NLRP7: variants seen among roughly 807,000 people sequenced by gnomAD.
The protein encoded by NLRP7 is NLR family pyrin domain containing 7.
In NLRP7, 72 loss-of-function variants were observed where a neutral mutation model predicts 85.5. That is an observed-to-expected ratio of 0.84 (90% CI 0.70 to 1.02). The LOEUF is 1.02. Ranked by LOEUF, NLRP7 falls within the 50% of genes least tolerant of loss-of-function variation. NLRP7 has a pLI of 0.00. For missense variants in NLRP7, 1,243 were observed against 1,219.5 expected (o/e 1.02, Z -0.29); for synonymous variants, 550 against 505.2 (o/e 1.09, Z -1.19).
At chr19:54,926,446 A>C (rs993722808) in intron 9 of NLRP7, among the ~76,000 whole-genome samples, 2 of 152,126 alleles carry the variant, frequency 1.3e-5, no homozygotes, top group Non-Finnish European at 2.9e-5. Context: ...ACACACTCCC[A>C]AAAAAACTCT....
chr19:54,947,877 A>C (rs1292192647), upstream of NLRP7: 2 of 249,616 alleles, frequency 8.0e-6, no homozygotes, highest in Admixed American at 1.0e-4. Flanking sequence ...TTAAACAAAA[A>C]TAAATAAAAA....
rs148164395 is a variant in NLRP7 at position 54,927,649 on chromosome 19, G to T, written c.2810+2850C>A. On this transcript the variant is annotated intron_variant, in intron 9 of 9. Coordinates refer to ENST00000340844, the Ensembl canonical transcript of NLRP7. The stretch of plus-strand genomic sequence containing the variant: ...CAGTTCTTTGTCTTAGAACCCCAAA[G>T]AGCTTAATTATGCCACTCTTCCACA... The T allele has an allele frequency of 1.1e-4, 170 of 1,614,154 alleles. No individual in the cohort carries two copies. The African/African-American group carries it at 2.1e-3, about 20-fold the overall frequency.
At position 54,934,461 on chromosome 19, in the gene NLRP7, G is replaced by C; in HGVS notation, c.2471+28C>G. 4 of 1,612,886 alleles carry C rather than the reference G, an allele frequency of 2.5e-6. No homozygotes were observed. The highest frequency in any genetic ancestry group is 3.4e-6 in the Non-Finnish European group (4 of 1,178,906). ...CTTCTATAGCCCCAGAACTAAACCAGAGCTGCCCATGGGAAGAGGAGACTT... is the reference window on the plus strand; with the variant it reads ...CTTCTATAGCCCCAGAACTAAACCACAGCTGCCCATGGGAAGAGGAGACTT... On this transcript the variant is annotated intron_variant, in intron 7 of 9. Coordinates refer to ENST00000340844, the Ensembl canonical transcript of NLRP7. This position sits in a 1 kb window ranked among gnomAD's most constrained non-coding sequence, Gnocchi z 6.7.
chr19:54,941,099 C>T, intron 2 of NLRP7, 94 bp from the exon 3 acceptor site: 3 of 957,386 alleles, frequency 3.1e-6, no homozygotes, highest in Admixed American at 3.4e-5. Context: ...CATGGTGGCT[C>T]ATGCCTGTAA....
At chr19:54,932,805 A>G (rs1362686996) in intron 8 of NLRP7, among the ~76,000 whole-genome samples, 1 of 152,002 alleles carries the variant, frequency 6.6e-6, no homozygotes, top group East Asian at 1.9e-4. Flanking sequence ...ATAGGCACGC[A>G]CCACCAAGCC....
intron 1 of NLRP7, among the ~76,000 whole-genome samples, chr19:54,944,022 G>A (rs59357040): frequency 0.12 from 18,214 of 152,002 alleles, 1,152 homozygotes; most frequent in African/African-American, 0.13. Flanking sequence ...AATACACTGC[G>A]GAAGGCTGCA....
intron 2 of NLRP7, 45 bp from the exon 3 acceptor site, chr19:54,941,050 C>T (rs538142026): frequency 9.1e-6 from 12 of 1,323,964 alleles, no homozygotes; most frequent in South Asian, 4.7e-5. Context: ...ATTTACACTT[C>T]GTAAATCAGA....
exon 4 of NLRP7, chr19:54,939,439 G>C (rs1302576364): frequency 6.2e-7 from 1 of 1,613,922 alleles, no homozygotes; most frequent in Non-Finnish European, 8.5e-7. Context: ...AGCAGCCTTT[G>C]GAGACTCTGT....
In NLRP7 at chr19:54,953,262, C is replaced by G. The variant is rs900950859; in HGVS notation, c.-76-5757G>C. 8 of 152,222 alleles carry G rather than the reference C, an allele frequency of 5.3e-5. 2 individuals carry two copies. The highest frequency in any genetic ancestry group is 3.9e-4 in the Admixed American group (6 of 15,266). 9.4% of individuals were successfully genotyped at this position (152,222 alleles called of 1,614,324 possible). A position where few individuals can be genotyped will look rare whatever the true frequency, so the allele number is the denominator to read the frequency against. ...CGGCCAGGGGCATCGGCAAGACTCC[C>G]GTCTCAAGAGCCGAGATCCCCAAGT... On this transcript the variant is annotated intron_variant, in intron 1 of 2. Coordinates refer to the NLRP7 transcript ENST00000587103.
exon 4 of NLRP7, chr19:54,939,199 G>A (rs1214099946): frequency 1.2e-6 from 2 of 1,614,216 alleles, no homozygotes; most frequent in South Asian, 1.1e-5. Context: ...GTGACATCCG[G>A]CAGCCAAAAG....
chr19:54,952,464 G>A (rs1268964592), upstream of NLRP7, among the ~76,000 whole-genome samples: 1 of 151,872 alleles, frequency 6.6e-6, no homozygotes, highest in African/African-American at 2.4e-5. Flanking sequence ...CGTGGTAGCG[G>A]GTGCCTGTAA....
upstream of NLRP7, chr19:54,947,868 TAAAC>T (rs1214300280): frequency 3.4e-5 from 8 of 235,466 alleles, no homozygotes; most frequent in Non-Finnish European, 6.1e-5. Context: ...GAAAAAAAAT[TAAAC>T]AAAAATAAAT....
At chr19:54,940,904 C>G (rs1602180385) in intron 3 of NLRP7, 27 bp downstream of exon 3, 2 of 1,420,626 alleles carry the variant, frequency 1.4e-6, no homozygotes, top group Non-Finnish European at 2.0e-6. Flanking sequence ...ACACCAAACT[C>G]ATGACCATAG....
At chr19:54,933,282 A>G (rs990723721) in intron 8 of NLRP7, among the ~76,000 whole-genome samples, 2 of 152,036 alleles carry the variant, frequency 1.3e-5, no homozygotes, top group African/African-American at 4.8e-5. Context: ...AGTAGCTGGG[A>G]CTACAGGCAT....
intron 1 of NLRP7, 83 bp downstream of exon 1, chr19:54,947,386 A>C: frequency 9.7e-7 from 1 of 1,034,910 alleles, no homozygotes; most frequent in South Asian, 1.3e-5. Context: ...AGGCTTGGGA[A>C]GGGCTATGGT....
intron 4 of NLRP7, 126 bp downstream of exon 4, chr19:54,938,762 T>G: frequency 9.7e-7 from 1 of 1,035,436 alleles, no homozygotes; most frequent in Admixed American, 1.8e-5. Flanking sequence ...TGCCAAGTCG[T>G]GTCTCCACGT....
At chr19:54,936,987 G>C (rs2068958313) in intron 5 of NLRP7, among the ~76,000 whole-genome samples, 1 of 151,508 alleles carries the variant, frequency 6.6e-6, no homozygotes, top group Non-Finnish European at 1.5e-5. Context: ...CCGAGGCCGA[G>C]GCGGGTGGAT....
chr19:54,924,517 G>C (rs576929457), intron 9 of NLRP7, among the ~76,000 whole-genome samples: 2 of 152,098 alleles, frequency 1.3e-5, no homozygotes, highest in African/African-American at 4.8e-5. Context: ...CCAGCTACTC[G>C]GGAGGCGGAG....
At chr19:54,929,267 A>G (rs995104292) in intron 9 of NLRP7, among the ~76,000 whole-genome samples, 2 of 152,050 alleles carry the variant, frequency 1.3e-5, no homozygotes, top group Non-Finnish European at 2.9e-5. Flanking sequence ...TACTCAGCTC[A>G]ATCAGGAGAA....
Sources: gnomAD v4.1 joint callset for allele counts (sites outside exome capture counted in the v4.1 genomes callset) on GRCh38, gnomAD v4.1.1 for gene constraint, Gnocchi (gnomAD v3.1) non-coding constraint, MANE v1.5 for transcripts, NCBI Gene and HGNC (gene_info 2026-07-23, HGNC 2026-07-21) for gene names.